The following CFDP1 variants were observed in gnomAD, a reference collection of about 807,000 sequenced individuals.
CFDP1 encodes the protein heterochromatin-stabilizing protein CFDP1.
CFDP1 carries 31 observed loss-of-function variants against 40.1 expected under a neutral mutation model. That is an observed-to-expected ratio of 0.77 (90% CI 0.58 to 1.04). CFDP1 has a LOEUF of 1.04. Ranked by LOEUF, CFDP1 falls within the 50% of genes least tolerant of loss-of-function variation. CFDP1 has a pLI of 0.00. For missense variants in CFDP1, 423 were observed against 343.4 expected (o/e 1.23, Z -1.83); for synonymous variants, 167 against 120.0 (o/e 1.39, Z -2.56).
chr16:75,336,489 G>A (rs556691065), intron 5 of CFDP1, among the ~76,000 whole-genome samples: 7 of 152,332 alleles, frequency 4.6e-5, no homozygotes, highest in Non-Finnish European at 7.3e-5. Flanking sequence ...GGCTTTAGCC[G>A]GGAGAAGACC....
intron 4 of CFDP1, among the ~76,000 whole-genome samples, chr16:75,407,613 T>A (rs183039716): frequency 2.3e-4 from 34 of 146,894 alleles, no homozygotes; most frequent in Admixed American, 4.2e-4. Flanking sequence ...GCCTCGTAGG[T>A]TGGTTGAGGC....
intron 5 of CFDP1, among the ~76,000 whole-genome samples, chr16:75,349,520 A>AAAAAG (rs201810818): frequency 0.022 from 3,344 of 149,700 alleles, 82 homozygotes; most frequent in African/African-American, 0.055. Context: ...AAAAAAGAAA[A>AAAAAG]AAAAGAAATA....
In CFDP1 at chr16:75,412,703, G is replaced by C; in HGVS notation, c.234C>G (p.Ala78=). Residue 78 remains alanine (A), a synonymous_variant, in exon 3 of 7, where the codon GCC becomes GCG. Transcript: ENST00000283882. ...TACTGCTTCCCTCAGATTCTGAATT[G>C]GCATCCTCCTCTTCCTCTTCTTCTA... is the stretch of plus-strand genomic sequence containing the variant. The part of the protein sequence containing the change: ...LSLEEEEEED[A]NSESEGSSSE... 6.2e-7 allele frequency: 1 copy of C among 1,613,864 alleles called. No homozygotes were observed. Among genetic ancestry groups the C allele is most frequent in the South Asian group, 1.1e-5 (1 of 91,074 alleles).
intron 6 of CFDP1, chr16:75,301,924 G>A (rs1270920095): frequency 1.3e-5 from 2 of 152,430 alleles, no homozygotes; most frequent in African/African-American, 4.8e-5. Context: ...GCCAGAAAAG[G>A]AGAGTGAGTG....
intron 5 of CFDP1, among the ~76,000 whole-genome samples, chr16:75,322,477 G>C (rs1392576817): frequency 6.6e-6 from 1 of 152,168 alleles, no homozygotes; most frequent in Non-Finnish European, 1.5e-5. Context: ...ACATTGTGTG[G>C]TAAAGTTTAT....
intron 1 of CFDP1, among the ~76,000 whole-genome samples, chr16:75,430,362 G>T (rs2079397185): frequency 6.6e-6 from 1 of 152,034 alleles, no homozygotes; most frequent in African/African-American, 2.4e-5. Context: ...GTACAGACAG[G>T]GTTTCACTAT....
intron 1 of CFDP1, among the ~76,000 whole-genome samples, chr16:75,421,979 T>A (rs867467953): frequency 3.0e-4 from 46 of 152,234 alleles, no homozygotes; most frequent in African/African-American, 1.1e-3. Context: ...ACACCCAATA[T>A]AAGTGCTATA....
intron 5 of CFDP1, among the ~76,000 whole-genome samples, chr16:75,393,156 A>G (rs1424763831): frequency 2.0e-5 from 3 of 152,144 alleles, no homozygotes; most frequent in African/African-American, 4.8e-5. Flanking sequence ...GAGGCTAAAC[A>G]TCCCACTCTC....
intron 1 of CFDP1, among the ~76,000 whole-genome samples, chr16:75,431,426 C>T (rs2079413663): frequency 8.6e-6 from 1 of 116,508 alleles, no homozygotes; most frequent in Non-Finnish European, 1.6e-5. Context: ...TGCACTCCAG[C>T]CTGGGAGACA....
At chr16:75,299,464 G>T (rs1030434965) in intron 6 of CFDP1, among the ~76,000 whole-genome samples, 1 of 151,680 alleles carries the variant, frequency 6.6e-6, no homozygotes, top group Non-Finnish European at 1.5e-5. Context: ...GTGTGGTGGC[G>T]GGCGCCTGTA....
chr16:75,312,309 A>T (rs1189733814), intron 5 of CFDP1, among the ~76,000 whole-genome samples: 2 of 152,192 alleles, frequency 1.3e-5, no homozygotes, highest in Non-Finnish European at 2.9e-5. Flanking sequence ...AGAAAACCAG[A>T]AGTATGACAA....
intron 5 of CFDP1, among the ~76,000 whole-genome samples, chr16:75,319,487 A>G (rs114334849): frequency 0.016 from 2,417 of 152,112 alleles, 59 homozygotes; most frequent in African/African-American, 0.054. Context: ...ATTACACGAG[A>G]CTGAAGTGGT....
chr16:75,398,763 A>C (rs2079020587), intron 4 of CFDP1, among the ~76,000 whole-genome samples: 1 of 140,664 alleles, frequency 7.1e-6, no homozygotes, highest in African/African-American at 2.5e-5. Context: ...GGGAGTAAGA[A>C]AACCTGTGAA....
At chr16:75,429,848 A>G (rs1401934722) in intron 1 of CFDP1, among the ~76,000 whole-genome samples, 1 of 152,222 alleles carries the variant, frequency 6.6e-6, no homozygotes, top group Non-Finnish European at 1.5e-5. Context: ...ACTCTTGTCA[A>G]GTATTTGAAG....
At chr16:75,343,999 G>T (rs1943311846) in intron 5 of CFDP1, among the ~76,000 whole-genome samples, 1 of 152,176 alleles carries the variant, frequency 6.6e-6, no homozygotes, top group African/African-American at 2.4e-5. Flanking sequence ...ATCTCTAGCA[G>T]GAAACAGTTT....
At chr16:75,426,010 T>C (rs1201408074) in intron 1 of CFDP1, among the ~76,000 whole-genome samples, 2 of 111,296 alleles carry the variant, frequency 1.8e-5, no homozygotes, top group African/African-American at 3.6e-5. Flanking sequence ...CACTCAAGCC[T>C]GGGCAACAGA....
At chr16:75,345,909 A>T (rs1308159236) in intron 5 of CFDP1, among the ~76,000 whole-genome samples, 1 of 152,242 alleles carries the variant, frequency 6.6e-6, no homozygotes, top group Non-Finnish European at 1.5e-5. Flanking sequence ...GTCATCGGTG[A>T]CTAAGCTGAG....
chr16:75,405,420 G>C (rs747801561), intron 4 of CFDP1, among the ~76,000 whole-genome samples: 1 of 152,050 alleles, frequency 6.6e-6, no homozygotes, highest in Non-Finnish European at 1.5e-5. Context: ...GAGCCCAGGA[G>C]TTTGACACCA....
At chr16:75,362,095 T>C (rs2078683567) in intron 5 of CFDP1, among the ~76,000 whole-genome samples, 1 of 146,650 alleles carries the variant, frequency 6.8e-6, no homozygotes, top group Non-Finnish European at 1.5e-5. Context: ...TGCTAGTTCC[T>C]AGACTGCATG....
Sources: gnomAD v4.1 joint callset for allele counts (sites outside exome capture counted in the v4.1 genomes callset) on GRCh38, gnomAD v4.1.1 for gene constraint, MANE v1.5 for transcripts, NCBI Gene and HGNC (gene_info 2026-07-23, HGNC 2026-07-21) for gene names.